Variants in EDAR observed in about 807,000 individuals in gnomAD.
EDAR encodes the protein tumor necrosis factor receptor superfamily member EDAR.
In EDAR, 38 loss-of-function variants were observed where a neutral mutation model predicts 51.3. That is an observed-to-expected ratio of 0.74 (90% CI 0.57 to 0.97). The LOEUF is 0.97. EDAR is among the 50% of genes least tolerant of loss of function. The pLI, the probability that EDAR is intolerant of heterozygous loss-of-function variation, is 0.00. For missense variants in EDAR, 528 were observed against 595.0 expected, an observed-to-expected ratio of 0.89 and a Z score of 1.17; for synonymous variants, 227 against 242.1, an observed-to-expected ratio of 0.94 and a Z score of 0.58.
In EDAR at chr2:108,907,958, C is replaced by T; in HGVS notation, c.865G>A (p.Glu289Lys). The T allele has an allele frequency of 6.2e-7, 1 of 1,613,524 alleles. No individual in the cohort carries two copies. Among genetic ancestry groups the T allele is most frequent in the Non-Finnish European group, 8.5e-7 (1 of 1,179,892 alleles). Reference sequence around the variant, plus strand: ...GAGCCCTGCTTGTCAGGGGCGGGCTCCTCATCACTGTCGACGCTCCGGCTC... The same window carrying T: ...GAGCCCTGCTTGTCAGGGGCGGGCTTCTCATCACTGTCGACGCTCCGGCTC... ...LLSRSVDSDE[E>K]PAPDKQGSPE... The change falls in exon 10 of 12, where the codon GAG becomes AAG. Residue 289 changes from glutamate to lysine, a missense_variant. Transcript: ENST00000258443.
chr2:108,911,640 C>T (rs1696931262), intron 6 of EDAR, among the ~76,000 whole-genome samples: 1 of 152,188 alleles, frequency 6.6e-6, no homozygotes, highest in South Asian at 2.1e-4. Context: ...GGGGATTTTG[C>T]TCAGTTCCCA....
At chr2:108,947,412 T>G (rs913581435) in intron 1 of EDAR, among the ~76,000 whole-genome samples, 3 of 152,172 alleles carry the variant, frequency 2.0e-5, no homozygotes, top group Non-Finnish European at 4.4e-5. Flanking sequence ...ACAGCTCCAC[T>G]AGGCAGTGCC....
intron 5 of EDAR, among the ~76,000 whole-genome samples, chr2:108,920,852 C>T (rs1303940577): frequency 6.6e-6 from 1 of 152,178 alleles, no homozygotes; most frequent in Non-Finnish European, 1.5e-5. Context: ...GCGCCTGAGC[C>T]ACACAGGAGC....
intron 5 of EDAR, among the ~76,000 whole-genome samples, chr2:108,923,159 A>G (rs1697182262): frequency 2.0e-5 from 3 of 152,166 alleles, no homozygotes; most frequent in Admixed American, 2.0e-4. Context: ...CCTGCACTAG[A>G]ACCTCAGCCT....
In EDAR at chr2:108,912,667, A is replaced by T. The variant is rs1696949204; in HGVS notation, c.529+11T>A. ...AACTCCAGGTGATCGATACCTGAGC[A>T]CCCTCCTCACCTTTGTGGGCGTGCT... On this transcript the variant is annotated intron_variant, in intron 6 of 11. Transcript: ENST00000258443. 1.3e-6 allele frequency: 2 copies of T among 1,578,356 alleles called. No homozygotes were observed. The highest frequency in any genetic ancestry group is 1.7e-6 in the Non-Finnish European group (2 of 1,161,536).
At chr2:108,917,832 G>A (rs1440370523) in intron 5 of EDAR, among the ~76,000 whole-genome samples, 1 of 152,158 alleles carries the variant, frequency 6.6e-6, no homozygotes, top group African/African-American at 2.4e-5. Context: ...AGCAATGGGT[G>A]TGGTTTGAGG....
intron 1 of EDAR, among the ~76,000 whole-genome samples, chr2:108,960,769 A>G (rs1404837119): frequency 6.6e-6 from 1 of 152,212 alleles, no homozygotes; most frequent in East Asian, 1.9e-4. Context: ...ATATATAGAT[A>G]TATCATAAGG....
chr2:108,980,360 G>A (rs1487152003), intron 1 of EDAR, among the ~76,000 whole-genome samples: 1 of 152,102 alleles, frequency 6.6e-6, no homozygotes, highest in Non-Finnish European at 1.5e-5. Flanking sequence ...AGAGCAAGGA[G>A]GAAACTGCCA....
At chr2:108,946,411 C>G (rs939492770) in intron 1 of EDAR, among the ~76,000 whole-genome samples, 2 of 152,192 alleles carry the variant, frequency 1.3e-5, no homozygotes, top group Non-Finnish European at 2.9e-5. Flanking sequence ...AAGACAACCC[C>G]TTGGGGACTG....
chr2:108,982,582 T>C (rs1004592712), intron 1 of EDAR, among the ~76,000 whole-genome samples: 1 of 152,240 alleles, frequency 6.6e-6, no homozygotes, highest in African/African-American at 2.4e-5. Context: ...ATCAGGATAA[T>C]ATTCTCCAGC....
At chr2:108,944,457 A>G (rs923107628) in intron 1 of EDAR, among the ~76,000 whole-genome samples, 50 of 152,332 alleles carry the variant, frequency 3.3e-4, no homozygotes, top group Non-Finnish European at 4.4e-5. Flanking sequence ...TAGTTTGACT[A>G]TGGCTGCGGC....
At chr2:108,920,090 C>G (rs1217798018) in intron 5 of EDAR, among the ~76,000 whole-genome samples, 2 of 152,252 alleles carry the variant, frequency 1.3e-5, no homozygotes, top group African/African-American at 4.8e-5. Flanking sequence ...AATCTCTTTC[C>G]CCTTCTGTGT....
chr2:108,931,249 A>G (rs1558815747), intron 1 of EDAR, among the ~76,000 whole-genome samples: 1 of 152,184 alleles, frequency 6.6e-6, no homozygotes, highest in Non-Finnish European at 1.5e-5. Context: ...CCTGGGAGGG[A>G]GCCTGAGAGG....
At chr2:108,945,549 T>A (rs1223703839) in intron 1 of EDAR, among the ~76,000 whole-genome samples, 1 of 152,192 alleles carries the variant, frequency 6.6e-6, no homozygotes, top group Non-Finnish European at 1.5e-5. Flanking sequence ...TTGTTGGCAC[T>A]GTCTGCATTT....
At chr2:108,957,486 GCC>G (rs1697948207) in intron 1 of EDAR, among the ~76,000 whole-genome samples, 1 of 152,164 alleles carries the variant, frequency 6.6e-6, no homozygotes, top group African/African-American at 2.4e-5. Flanking sequence ...GCTCATGGAG[GCC>G]CCCCAGGGGG....
At chr2:108,910,895 GGA>G in intron 7 of EDAR, 45 bp from the exon 8 acceptor site, 1 of 1,613,988 alleles carries the variant, frequency 6.2e-7, no homozygotes, top group African/African-American at 1.3e-5. Context: ...TCCGACAGGG[GGA>G]GTTGACGGAG....
rs1402764989 is a variant in EDAR, at chr2:108,894,540, A to ATATT, written c.*2363_*2366dup. ...ATATATACAGAATTAGACAAAAATA[A>ATATT]TATTGACAATTAAGACTTCACTGTC... On this transcript the variant is annotated 3_prime_UTR_variant, in exon 12 of 12. Transcript: ENST00000258443. 6.6e-6 allele frequency: 1 copy of ATATT among 152,632 alleles called. No individual in the cohort carries two copies. Among genetic ancestry groups the ATATT allele is most frequent in the Non-Finnish European group, 1.5e-5 (1 of 68,044 alleles). The allele number at this position is 152,632 out of a possible 1,614,324, so 9.5% of individuals were successfully genotyped here. A position where few individuals can be genotyped will look rare whatever the true frequency, so the allele number is the denominator to read the frequency against.
chr2:108,897,519 T>C (rs904635540), intron 11 of EDAR, among the ~76,000 whole-genome samples: 1 of 152,142 alleles, frequency 6.6e-6, no homozygotes, highest in African/African-American at 2.4e-5. Context: ...CATGACCATT[T>C]TTAGCAGTTC....
At chr2:108,915,941 G>A (rs1158972347) in intron 5 of EDAR, among the ~76,000 whole-genome samples, 1 of 152,088 alleles carries the variant, frequency 6.6e-6, no homozygotes, top group Non-Finnish European at 1.5e-5. Context: ...AAGAGCTGGT[G>A]GAGAAGTGCG....
Sources: allele counts gnomAD v4.1 joint callset (sites outside exome capture counted in the v4.1 genomes callset), GRCh38; gene constraint gnomAD v4.1.1; transcripts MANE v1.5; gene names NCBI Gene and HGNC (gene_info 2026-07-23, HGNC 2026-07-21).